Variants in TMEM181 observed in about 807,000 individuals in gnomAD.
The protein encoded by TMEM181 is G protein-coupled receptor 178.
In TMEM181, 39 loss-of-function variants were observed where a neutral mutation model predicts 71.9. That is an observed-to-expected ratio of 0.54 (90% confidence interval 0.42 to 0.71). The LOEUF (loss-of-function observed/expected upper bound fraction) is 0.71. Ranked by LOEUF, TMEM181 falls within the 30% of genes least tolerant of loss-of-function variation. TMEM181 has a pLI of 0.00. For missense variants in TMEM181, 595 were observed against 583.0 expected, an observed-to-expected ratio of 1.02 and a Z score of -0.21; for synonymous variants, 245 against 228.8, an observed-to-expected ratio of 1.07 and a Z score of -0.64.
rs572115561 is a variant in TMEM181 at position 158,596,878 on chromosome 6, C to T, written c.492+7096C>T. Among the ~76,000 whole-genome samples, 12 of 152,176 alleles carry T rather than the reference C, an allele frequency of 7.9e-5. No individual in the cohort carries two copies. In the South Asian group the frequency reaches 1.7e-3, roughly 21 times the overall value. ...ACGGGAAAGGCTGGTCCCCATGATTCGATGACCTCCCCCGGGTCCCTCCCA... is the reference window on the plus strand; with the variant it reads ...ACGGGAAAGGCTGGTCCCCATGATTTGATGACCTCCCCCGGGTCCCTCCCA... On this transcript the variant is annotated intron_variant, in intron 6 of 16. Coordinates refer to ENST00000684151, the MANE Select transcript of TMEM181 (RefSeq NM_001376852.1).
At chr6:158,621,691 A>G (rs1224845769) in intron 10 of TMEM181, 1 of 152,772 alleles carries the variant, frequency 6.5e-6, no homozygotes, top group East Asian at 1.9e-4. Flanking sequence ...AGTTTCAGAG[A>G]TGCCAGCGTG....
At chr6:158,567,112 C>A (rs546594351) in intron 1 of TMEM181, among the ~76,000 whole-genome samples, 1 of 152,318 alleles carries the variant, frequency 6.6e-6, no homozygotes, top group Non-Finnish European at 1.5e-5. Context: ...CGGCTCTAGG[C>A]AGGCCAGAAT....
intron 6 of TMEM181, among the ~76,000 whole-genome samples, chr6:158,600,155 C>T (rs1032392629): frequency 1.3e-5 from 2 of 152,124 alleles, no homozygotes; most frequent in African/African-American, 2.4e-5. Flanking sequence ...TTGAATAAAG[C>T]ATTGTTTTCT....
intron 1 of TMEM181, among the ~76,000 whole-genome samples, chr6:158,571,517 C>G (rs1441404918): frequency 6.8e-6 from 1 of 146,634 alleles, no homozygotes; most frequent in Non-Finnish European, 1.5e-5. Flanking sequence ...CCAGGATGGT[C>G]TCAATCTCCT....
rs141541599 is a variant in TMEM181, at chr6:158,603,300, A to G, written c.493-1967A>G. 6.9e-3 allele frequency among the ~76,000 whole-genome samples: 1,053 copies of G among 152,142 alleles called. 15 individuals are homozygous for G. Among genetic ancestry groups the G allele is most frequent in the African/African-American group, 0.024 (1,005 of 41,470 alleles). ...AGGGTTGGTTGGGGATGATTTGGGG[A>G]CGACTCAAGGGCATTTCATTTATCA... On this transcript the variant is annotated intron_variant, in intron 6 of 16. Coordinates refer to ENST00000684151, the MANE Select transcript of TMEM181 (RefSeq NM_001376852.1).
chr6:158,566,406 T>G (rs1277464637), intron 1 of TMEM181, among the ~76,000 whole-genome samples: 1 of 151,052 alleles, frequency 6.6e-6, no homozygotes, highest in Non-Finnish European at 1.5e-5. Flanking sequence ...ATGATGATGG[T>G]GAGGGAGGTG....
intron 7 of TMEM181, 26 bp downstream of exon 7, chr6:158,605,373 G>T (rs753699887): frequency 6.2e-7 from 1 of 1,603,928 alleles, no homozygotes. Flanking sequence ...CTGATGGACC[G>T]CAGCAGATCC....
chr6:158,592,971 G>A (rs1337694085), intron 6 of TMEM181, among the ~76,000 whole-genome samples: 3 of 152,184 alleles, frequency 2.0e-5, no homozygotes, highest in South Asian at 2.1e-4. Flanking sequence ...CAGGGTTGGC[G>A]AAATGCAAGG....
rs541262720 is a variant in TMEM181 at position 158,536,918 on chromosome 6, C to A, written c.131+53C>A. 9 of 1,236,574 alleles carry A rather than the reference C, an allele frequency of 7.3e-6. No homozygotes were observed. The African/African-American group carries it at 1.4e-4, about 19-fold the overall frequency. The allele number at this position is 1,236,574 out of a possible 1,614,324, so 76.6% of individuals were successfully genotyped here. On this transcript the variant is annotated intron_variant, in intron 1 of 16. Coordinates refer to the TMEM181 transcript ENST00000367090. The stretch of plus-strand genomic sequence containing the variant: ...CGGCCGGAGGCTTCCGGGCCGCAGT[C>A]CCCTCCGGGACCCCGGCGCGCCCCG...
At chr6:158,587,197 C>G (rs939519727) in intron 5 of TMEM181, among the ~76,000 whole-genome samples, 4 of 152,160 alleles carry the variant, frequency 2.6e-5, no homozygotes, top group Admixed American at 6.5e-5. Context: ...AGTGGGTTGC[C>G]CTACCTAAAG....
At chr6:158,536,879 G>A (rs1225096796) in intron 1 of TMEM181, 2 of 1,337,942 alleles carry the variant, frequency 1.5e-6, no homozygotes, top group Non-Finnish European at 1.9e-6. Flanking sequence ...GGCGCGGCGC[G>A]GGCAGCGGCG....
chr6:158,630,421 A>G (rs1786594386), intron 15 of TMEM181, among the ~76,000 whole-genome samples: 1 of 152,066 alleles, frequency 6.6e-6, no homozygotes, highest in South Asian at 2.1e-4. Flanking sequence ...GCTTGAGCCC[A>G]AGAGGAGAGG....
intron 6 of TMEM181, among the ~76,000 whole-genome samples, chr6:158,604,692 T>G (rs1004853310): frequency 2.6e-5 from 4 of 152,244 alleles, no homozygotes; most frequent in Non-Finnish European, 5.9e-5. Context: ...GTAACAACAT[T>G]CTAGTTGCAC....
At chr6:158,614,900 G>C (rs1467760024) in intron 10 of TMEM181, among the ~76,000 whole-genome samples, 1 of 152,154 alleles carries the variant, frequency 6.6e-6, no homozygotes, top group African/African-American at 2.4e-5. Flanking sequence ...ATGAACATTT[G>C]GGTTGGTTCC....
chr6:158,542,584 A>T (rs1461258629), intron 1 of TMEM181, among the ~76,000 whole-genome samples: 1 of 152,140 alleles, frequency 6.6e-6, no homozygotes, highest in Non-Finnish European at 1.5e-5. Flanking sequence ...GCTATTGCCC[A>T]TACAGCAGAG....
intron 13 of TMEM181, among the ~76,000 whole-genome samples, chr6:158,627,156 TCA>T (rs1343627188): frequency 1.4e-5 from 2 of 144,752 alleles, no homozygotes; most frequent in African/African-American, 5.2e-5. Context: ...ACCCTCACTG[TCA>T]CACATCCTCA....
Position 158,631,942 on chromosome 6 carries a change from C to G in TMEM181, c.*54C>G. 3.4e-6 allele frequency: 5 copies of G among 1,460,712 alleles called. No individual in the cohort carries two copies. Among genetic ancestry groups the G allele is most frequent in the Non-Finnish European group, 4.7e-6 (5 of 1,064,636 alleles). 90.5% of individuals were successfully genotyped at this position (1,460,712 alleles called of 1,614,324 possible). On this transcript the variant is annotated 3_prime_UTR_variant, in exon 17 of 17. Coordinates refer to ENST00000684151, the MANE Select transcript of TMEM181 (RefSeq NM_001376852.1). The stretch of plus-strand genomic sequence containing the variant: ...ATGCCTGGATGCTTTCCCCGGTGAC[C>G]GTCTGCTGACCTTCCCCTGTTATAT...
At chr6:158,625,673 G>A in intron 12 of TMEM181, 30 bp from the exon 13 acceptor site, 1 of 1,576,710 alleles carries the variant, frequency 6.3e-7, no homozygotes, top group Non-Finnish European at 8.6e-7. Context: ...TTTACTTCCA[G>A]AGTTGTTAAT....
intron 10 of TMEM181, among the ~76,000 whole-genome samples, chr6:158,609,311 A>G (rs1785152809): frequency 6.6e-6 from 1 of 151,874 alleles, no homozygotes; most frequent in African/African-American, 2.4e-5. Context: ...TACCCATACT[A>G]TGTTTTTCTT....
Sources: gnomAD v4.1 joint callset for allele counts (sites outside exome capture counted in the v4.1 genomes callset) on GRCh38, gnomAD v4.1.1 for gene constraint, MANE v1.5 for transcripts, NCBI Gene and HGNC (gene_info 2026-07-23, HGNC 2026-07-21) for gene names.